TMEM132D: variants seen among roughly 807,000 people sequenced by gnomAD.
TMEM132D encodes the protein transmembrane protein 132D.
TMEM132D carries 21 observed loss-of-function variants against 62.3 expected under a neutral mutation model. That is an observed-to-expected ratio of 0.34 (90% CI 0.24 to 0.49). The LOEUF (loss-of-function observed/expected upper bound fraction) is 0.49. Ranked by LOEUF, TMEM132D falls within the 20% of genes least tolerant of loss-of-function variation. TMEM132D has a pLI of 0.99. For missense variants in TMEM132D, 1,346 were observed against 1,402.8 expected (o/e 0.96, Z 0.65); for synonymous variants, 621 against 575.6 (o/e 1.08, Z -1.13).
At chr12:129,078,252 G>A (rs185368909) in intron 8 of TMEM132D, among the ~76,000 whole-genome samples, 2 of 152,344 alleles carry the variant, frequency 1.3e-5, no homozygotes, top group East Asian at 1.9e-4. Flanking sequence ...TGAGGGGTGG[G>A]CCTTTCCTCC....
At chr12:129,439,538 C>T (rs570408194) in intron 3 of TMEM132D, among the ~76,000 whole-genome samples, 3 of 152,288 alleles carry the variant, frequency 2.0e-5, no homozygotes, top group South Asian at 2.1e-4. Flanking sequence ...CAACCTCCCC[C>T]TCCTGGGTTC....
chr12:129,397,227 C>G (rs1394415529), intron 3 of TMEM132D, among the ~76,000 whole-genome samples: 1 of 152,146 alleles, frequency 6.6e-6, no homozygotes, highest in African/African-American at 2.4e-5. Flanking sequence ...GTTTATTAAT[C>G]TCTTCAAATG....
chr12:129,433,174 T>C (rs541555252), intron 3 of TMEM132D, among the ~76,000 whole-genome samples: 39 of 152,330 alleles, frequency 2.6e-4, no homozygotes, highest in African/African-American at 9.4e-4. Context: ...GGACTTTACG[T>C]TGTTTCCAGG....
At chr12:129,859,279 A>G (rs1873813618) in intron 1 of TMEM132D, among the ~76,000 whole-genome samples, 1 of 152,190 alleles carries the variant, frequency 6.6e-6, no homozygotes, top group Non-Finnish European at 1.5e-5. Flanking sequence ...TAAGCCACCC[A>G]TCTATGGAAT....
chr12:129,336,242 A>T (rs1053493358), intron 4 of TMEM132D, among the ~76,000 whole-genome samples: 2 of 152,210 alleles, frequency 1.3e-5, no homozygotes, highest in Non-Finnish European at 2.9e-5. Context: ...GGGGGTCTCC[A>T]CTGAGATTTT....
intron 3 of TMEM132D, among the ~76,000 whole-genome samples, chr12:129,529,031 CACACATATAACATATTAT>C (rs1212447307): frequency 3.3e-5 from 5 of 152,318 alleles, no homozygotes; most frequent in African/African-American, 9.6e-5. Flanking sequence ...TATGCATGTA[CACACATATAACATATTAT>C]ACACATATAA....
chr12:129,357,351 C>G lies in TMEM132D; in HGVS notation c.1116-19534G>C, dbSNP rs114195892. On this transcript the variant is annotated intron_variant, in intron 3 of 8. Transcript: ENST00000422113. Reference sequence around the variant, plus strand: ...GGAAAGAAAAAGAAAAGAAAGAAAGCGAGCAAGCAAGAGAGAAAGGAAGGA... The same window carrying G: ...GGAAAGAAAAAGAAAAGAAAGAAAGGGAGCAAGCAAGAGAGAAAGGAAGGA... Among the ~76,000 whole-genome samples, 762 of 126,998 alleles carry G rather than the reference C, an allele frequency of 6.0e-3. 10 individuals carry two copies. Among genetic ancestry groups the G allele is most frequent in the African/African-American group, 0.022 (722 of 33,294 alleles). The allele number at this position is 126,998 out of a possible 152,430, so 83.3% of individuals were successfully genotyped here.
At chr12:129,557,209 C>T (rs575873637) in intron 2 of TMEM132D, among the ~76,000 whole-genome samples, 6 of 152,038 alleles carry the variant, frequency 3.9e-5, no homozygotes, top group East Asian at 3.9e-4. Flanking sequence ...TCTATTTTTA[C>T]GTTCAAATAT....
rs993758791 is a variant in TMEM132D at position 129,077,755 on chromosome 12, C to T, written c.2115+779G>A. Among the ~76,000 whole-genome samples the T allele has an allele frequency of 9.2e-5, 14 of 152,106 alleles. No individual in the cohort carries two copies. In the East Asian group the frequency reaches 9.7e-4, roughly 11 times the overall value. On this transcript the variant is annotated intron_variant, in intron 8 of 8. Transcript: ENST00000422113. ...ACATGCAATGCATACATACAACACA[C>T]GATACATTCACAACACACATATATA... is the stretch of plus-strand genomic sequence containing the variant.
chr12:129,664,915 T>C (rs575140238), intron 2 of TMEM132D, among the ~76,000 whole-genome samples: 1 of 152,282 alleles, frequency 6.6e-6, no homozygotes, highest in East Asian at 1.9e-4. Flanking sequence ...GACACTGTTC[T>C]AAGTGAGCTG....
intron 1 of TMEM132D, among the ~76,000 whole-genome samples, chr12:129,809,200 C>T (rs1000900330): frequency 1.3e-5 from 2 of 150,956 alleles, no homozygotes; most frequent in East Asian, 1.9e-4. Flanking sequence ...CCCAGATATT[C>T]GGGAGGCTGA....
intron 2 of TMEM132D, among the ~76,000 whole-genome samples, chr12:129,575,919 C>A (rs1448541240): frequency 6.0e-5 from 1 of 16,568 alleles, no homozygotes; most frequent in African/African-American, 2.1e-4. Context: ...ACTACAGGCG[C>A]CCGCCACTAC....
chr12:129,594,677 C>A (rs1275706013), intron 2 of TMEM132D, among the ~76,000 whole-genome samples: 1 of 152,208 alleles, frequency 6.6e-6, no homozygotes, highest in African/African-American at 2.4e-5. Flanking sequence ...TGGAAGTTCT[C>A]TCTCAGTACT....
chr12:129,336,796 G>T lies in TMEM132D; in HGVS notation c.1299+838C>A, dbSNP rs1463359470. Among the ~76,000 whole-genome samples, 3 of 152,154 alleles carry T rather than the reference G, an allele frequency of 2.0e-5. No homozygotes were observed. In the East Asian group the frequency reaches 5.8e-4, roughly 29 times the overall value. ...AGTGTGGGAAACAGCATGCAGCCGG[G>T]CCTGGGCCGAGGGCAGCAGCAGGAG... is the stretch of plus-strand genomic sequence containing the variant. On this transcript the variant is annotated intron_variant, in intron 4 of 8. Transcript: ENST00000422113.
intron 1 of TMEM132D, among the ~76,000 whole-genome samples, chr12:129,768,612 A>G (rs538494983): frequency 6.6e-6 from 1 of 152,136 alleles, no homozygotes; most frequent in Non-Finnish European, 1.5e-5. Flanking sequence ...TGAGTTATAC[A>G]TCATCAGTTC....
intron 2 of TMEM132D, among the ~76,000 whole-genome samples, chr12:129,678,958 G>A (rs1475054022): frequency 6.6e-6 from 1 of 151,558 alleles, no homozygotes; most frequent in Admixed American, 6.6e-5. Context: ...GGCTTTTTCT[G>A]TTCATTTGTT....
At chr12:129,523,020 T>G (rs1875900048) in intron 3 of TMEM132D, among the ~76,000 whole-genome samples, 1 of 152,032 alleles carries the variant, frequency 6.6e-6, no homozygotes, top group African/African-American at 2.4e-5. Flanking sequence ...GATACAGACA[T>G]AGAAATTTTT....
intron 3 of TMEM132D, among the ~76,000 whole-genome samples, chr12:129,504,109 G>C (rs1875256517): frequency 6.6e-6 from 1 of 151,066 alleles, no homozygotes; most frequent in Non-Finnish European, 1.5e-5. Flanking sequence ...CATCATCACT[G>C]TCACCATCAC....
rs1003017140 is a variant in TMEM132D, at chr12:129,851,106, C to A, written c.79+52155G>T. Among the ~76,000 whole-genome samples the A allele has an allele frequency of 2.6e-5, 4 of 152,214 alleles. No individual in the cohort carries two copies. In the South Asian group the frequency reaches 8.3e-4, roughly 32 times the overall value. On this transcript the variant is annotated intron_variant, in intron 1 of 8. Coordinates refer to ENST00000422113, the MANE Select transcript of TMEM132D (RefSeq NM_133448.3). ...TAGCTCGGAAAATATAGCTTTCATT[C>A]TGAATGCTTCTCTCCAAATATCTAG... is the stretch of plus-strand genomic sequence containing the variant.
Sources: allele counts gnomAD v4.1 joint callset (sites outside exome capture counted in the v4.1 genomes callset), GRCh38; gene constraint gnomAD v4.1.1; transcripts MANE v1.5; gene names NCBI Gene and HGNC (gene_info 2026-07-23, HGNC 2026-07-21).